MYO9A: variants seen among roughly 807,000 people sequenced by gnomAD.
MYO9A encodes unconventional myosin-IXa.
MYO9A carries 103 observed loss-of-function variants against 293.3 expected under a neutral mutation model. The ratio of observed to expected loss-of-function variants is 0.35; its 90% CI spans 0.30 to 0.41. The LOEUF (loss-of-function observed/expected upper bound fraction) is 0.41. Among genes scored for constraint, MYO9A ranks in the 10% least tolerant of loss-of-function variants. MYO9A has a pLI of 1.00. For missense variants in MYO9A, 2,685 were observed against 3,033.0 expected (o/e 0.89, Z 2.69); for synonymous variants, 1,001 against 1,035.7 (o/e 0.97, Z 0.64).
At chr15:71,835,716 C>A (rs893716403) in intron 39 of MYO9A, among the ~76,000 whole-genome samples, 1 of 152,014 alleles carries the variant, frequency 6.6e-6, no homozygotes, top group South Asian at 2.1e-4. Flanking sequence ...ATCTATAGAT[C>A]CAATGCAATC....
At chr15:72,029,641 G>A (rs1859266413) in intron 3 of MYO9A, among the ~76,000 whole-genome samples, 1 of 152,154 alleles carries the variant, frequency 6.6e-6, no homozygotes, top group South Asian at 2.1e-4. Flanking sequence ...CTACGATCAA[G>A]AGCTACTATA....
At chr15:71,888,154 T>C (rs750781155) in intron 26 of MYO9A, 38 bp from the exon 27 acceptor site, 26 of 1,128,100 alleles carry the variant, frequency 2.3e-5, no homozygotes, top group Non-Finnish European at 3.3e-5. Flanking sequence ...TAATGCCAAG[T>C]AAATATATGA....
In MYO9A at chr15:71,968,010, C is replaced by A. The variant is rs1323662736; in HGVS notation, c.1960G>T (p.Ala654Ser). 1 of 1,609,670 alleles carries A rather than the reference C, an allele frequency of 6.2e-7. No individual in the cohort carries two copies. The highest frequency in any genetic ancestry group is 1.7e-5 in the Admixed American group (1 of 59,342). The change falls in exon 13 of 42, where the codon GCT (alanine) becomes TCT (serine). Residue 654 changes from alanine to serine, a missense_variant. Ala to Ser is a moderately conservative substitution (Grantham distance 99). Coordinates refer to ENST00000356056, the MANE Select transcript of MYO9A (RefSeq NM_006901.4). ...MEPAFIIKHY[A>S]GKVKYGVKDF... The stretch of plus-strand genomic sequence containing the variant: ...TTTACCCCATATTTTACTTTTCCAG[C>A]ATAATGTTTTATAATGAAAGCAGGC...
intron 19 of MYO9A, among the ~76,000 whole-genome samples, chr15:71,915,139 CTT>C (rs754210200): frequency 1.3e-5 from 2 of 151,986 alleles, no homozygotes; most frequent in Non-Finnish European, 2.9e-5. Flanking sequence ...TATTAATAAA[CTT>C]ATATTACTCA....
At chr15:71,978,343 G>A in intron 11 of MYO9A, 51 bp from the exon 12 acceptor site, 1 of 1,504,592 alleles carries the variant, frequency 6.6e-7, no homozygotes, top group African/African-American at 1.4e-5. Flanking sequence ...GCAGAAAATA[G>A]GTATATAATA....
intron 2 of MYO9A, among the ~76,000 whole-genome samples, chr15:72,035,383 C>G (rs1452024217): frequency 6.6e-6 from 1 of 152,132 alleles, no homozygotes; most frequent in Non-Finnish European, 1.5e-5. Flanking sequence ...TGTCCACCAA[C>G]AAATGAAGGA....
intron 1 of MYO9A, among the ~76,000 whole-genome samples, chr15:72,113,884 G>A (rs762994395): frequency 1.1e-4 from 16 of 152,166 alleles, no homozygotes; most frequent in Non-Finnish European, 1.9e-4. Flanking sequence ...AGCAACAGGA[G>A]CTAACCTCTT....
chr15:72,065,579 CA>C (rs552197816), intron 1 of MYO9A, among the ~76,000 whole-genome samples: 1 of 141,236 alleles, frequency 7.1e-6, no homozygotes, highest in Admixed American at 7.0e-5. Flanking sequence ...ACAACAACAA[CA>C]AAAAAAACAC....
At chr15:71,865,365 C>A (rs915425852) in intron 32 of MYO9A, among the ~76,000 whole-genome samples, 1 of 152,248 alleles carries the variant, frequency 6.6e-6, no homozygotes, top group African/African-American at 2.4e-5. Flanking sequence ...CATGAATTTT[C>A]ATAGCAGCAT....
At chr15:71,841,798 G>GTTTTTTTTTT (rs1275519159) in intron 39 of MYO9A, among the ~76,000 whole-genome samples, 1 of 132,796 alleles carries the variant, frequency 7.5e-6, no homozygotes, top group African/African-American at 3.0e-5. Context: ...ACCAGGGGTA[G>GTTTTTTTTTT]TTTTTTTTTT....
intron 33 of MYO9A, among the ~76,000 whole-genome samples, chr15:71,861,679 T>TAAAAAAA (rs66598621): frequency 3.6e-4 from 30 of 82,874 alleles, no homozygotes; most frequent in East Asian, 6.1e-4. Flanking sequence ...ACTGATGATA[T>TAAAAAAA]AAAAAAAAAA....
intron 14 of MYO9A, among the ~76,000 whole-genome samples, chr15:71,954,154 A>G (rs1299522197): frequency 1.3e-5 from 2 of 151,768 alleles, no homozygotes; most frequent in Admixed American, 6.6e-5. Flanking sequence ...TCAACTTCCC[A>G]AAGTGCTGGG....
chr15:71,861,756 CAAG>C (rs2056143988), intron 33 of MYO9A, among the ~76,000 whole-genome samples: 1 of 138,216 alleles, frequency 7.2e-6, no homozygotes, highest in East Asian at 2.1e-4. Flanking sequence ...GACTGAAAAA[CAAG>C]AACACAAATA....
intron 2 of MYO9A, among the ~76,000 whole-genome samples, chr15:72,037,261 CAAAAAA>C (rs61042231): frequency 4.0e-5 from 3 of 74,280 alleles, no homozygotes; most frequent in Admixed American, 1.5e-4. Context: ...CAGAATGGGG[CAAAAAA>C]AAAAAAAAAA....
chr15:71,926,479 C>A (rs747343968), intron 18 of MYO9A, among the ~76,000 whole-genome samples: 6 of 152,098 alleles, frequency 3.9e-5, no homozygotes, highest in Non-Finnish European at 8.8e-5. Flanking sequence ...GAGGCCGAGG[C>A]AGAAAGACTG....
intron 1 of MYO9A, among the ~76,000 whole-genome samples, chr15:72,051,332 G>A (rs1448759404): frequency 6.6e-6 from 1 of 152,208 alleles, no homozygotes; most frequent in African/African-American, 2.4e-5. Flanking sequence ...GGAACAGGTG[G>A]GAACCCTGCC....
chr15:71,848,158 T>A (rs898278832), intron 39 of MYO9A, among the ~76,000 whole-genome samples: 1 of 151,564 alleles, frequency 6.6e-6, no homozygotes, highest in Non-Finnish European at 1.5e-5. Flanking sequence ...GAAAACTGAC[T>A]TCAGGGTAAC....
intron 27 of MYO9A, among the ~76,000 whole-genome samples, chr15:71,884,041 T>C (rs2056952207): frequency 6.6e-6 from 1 of 152,080 alleles, no homozygotes; most frequent in Non-Finnish European, 1.5e-5. Context: ...CACAAAGCAG[T>C]GGAGCTAGAA....
At chr15:72,096,856 T>A (rs1822112489) in intron 1 of MYO9A, among the ~76,000 whole-genome samples, 1 of 152,210 alleles carries the variant, frequency 6.6e-6, no homozygotes, top group African/African-American at 2.4e-5. Context: ...GCTTCAAGAC[T>A]TCAGTGGAAG....
Sources: allele counts gnomAD v4.1 joint callset (sites outside exome capture counted in the v4.1 genomes callset), GRCh38; gene constraint gnomAD v4.1.1; transcripts MANE v1.5; gene names NCBI Gene and HGNC (gene_info 2026-07-23, HGNC 2026-07-21).